HCCS: variants seen among roughly 807,000 people sequenced by gnomAD.
HCCS encodes the protein holocytochrome c-type synthase.
HCCS carries 2 observed loss-of-function variants against 24.2 expected under a neutral mutation model. The observed-to-expected ratio is 0.08, with a 90% CI of 0.03 to 0.26. The LOEUF (loss-of-function observed/expected upper bound fraction) is 0.26. HCCS is among the 10% of genes least tolerant of loss of function. HCCS has a pLI of 1.00. For missense variants in HCCS, 150 were observed against 213.3 expected (o/e 0.70, Z 1.85); for synonymous variants, 73 against 76.2 (o/e 0.96, Z 0.22).
chrX:11,121,055 C>G (rs2045488101), intron 6 of HCCS, 62 bp downstream of exon 6: 3 of 881,135 alleles, frequency 3.4e-6, no homozygotes, highest in Non-Finnish European at 5.1e-6. Context: ...TTTCTCTTCA[C>G]ACCAAAACCA....
At chrX:11,120,657 C>T (rs2045484837) in intron 5 of HCCS, among the ~76,000 whole-genome samples, 1 of 110,276 alleles carries the variant, frequency 9.1e-6, no homozygotes, top group African/African-American at 3.3e-5. Context: ...CCTGACTCCT[C>T]AAAGTGCAGT....
intron 4 of HCCS, among the ~76,000 whole-genome samples, chrX:11,117,946 G>T (rs1431221229): frequency 3.6e-5 from 4 of 111,512 alleles, no homozygotes; most frequent in African/African-American, 1.3e-4. Flanking sequence ...CCACCCACAC[G>T]GAGTGGGGAG....
chrX:11,112,192 A>G (rs2147249003), intron 2 of HCCS, 32 bp downstream of exon 2: 9 of 1,086,724 alleles, frequency 8.3e-6, no homozygotes, highest in Non-Finnish European at 1.2e-5. Flanking sequence ...AAATAAAAAC[A>G]AAAGATAATT....
chrX:11,115,028 G>A (rs776747338), intron 3 of HCCS, 42 bp downstream of exon 3: 12 of 1,131,536 alleles, frequency 1.1e-5, no homozygotes, highest in Non-Finnish European at 1.2e-5. Flanking sequence ...TTTTTATGCA[G>A]GGTTGCTTAT....
At position 11,122,157 on chromosome X, in the gene HCCS, C is replaced by G. The variant is rs1274584797; in HGVS notation, c.*347C>G. 5.1e-6 allele frequency: 1 copy of G among 197,052 alleles called. No individual in the cohort carries two copies. Among genetic ancestry groups the G allele is most frequent in the African/African-American group, 3.0e-5 (1 of 33,467 alleles). The allele number at this position is 197,052 out of a possible 1,213,427, so 16.2% of individuals were successfully genotyped here. A position where few individuals can be genotyped will look rare whatever the true frequency, so the allele number is the denominator to read the frequency against. On this transcript the variant is annotated 3_prime_UTR_variant, in exon 7 of 7. Transcript: ENST00000380762. ...TGATGAAAGTTGCTTTTTTTTCTTA[C>G]TATTTTCTCAGGAATACTCCAGAGA...
At chrX:11,118,110 A>C (rs374153130) in intron 4 of HCCS, among the ~76,000 whole-genome samples, 1 of 112,527 alleles carries the variant, frequency 8.9e-6, no homozygotes, top group African/African-American at 3.2e-5. Flanking sequence ...AGCTAGTAAT[A>C]GGTTTTTTAA....
At chrX:11,112,466 G>A (rs1231376612) in intron 2 of HCCS, among the ~76,000 whole-genome samples, 2 of 111,952 alleles carry the variant, frequency 1.8e-5, no homozygotes, top group East Asian at 5.6e-4. Flanking sequence ...GGGTGACAGA[G>A]TGAGACTGTG....
intron 4 of HCCS, 59 bp from the exon 5 acceptor site, chrX:11,118,442 A>G: frequency 9.5e-7 from 1 of 1,053,727 alleles, no homozygotes; most frequent in East Asian, 3.0e-5. Context: ...AAATATGTGG[A>G]TTAACTTTAT....
chrX:11,121,566 ATG>A, intron 6 of HCCS, 44 bp from the exon 7 acceptor site: 1 of 1,057,298 alleles, frequency 9.5e-7, no homozygotes, highest in African/African-American at 1.8e-5. Flanking sequence ...CCGGGACTGA[ATG>A]TATTGCAAGC....
chrX:11,113,458 A>G (rs1355189726), intron 2 of HCCS, among the ~76,000 whole-genome samples: 1 of 112,369 alleles, frequency 8.9e-6, no homozygotes, highest in Non-Finnish European at 1.9e-5. Flanking sequence ...CTGATGCTCC[A>G]AGTCACATAG....
At chrX:11,112,263 T>C (rs2045414628) in intron 2 of HCCS, 103 bp downstream of exon 2, 2 of 598,869 alleles carry the variant, frequency 3.3e-6, no homozygotes, top group Admixed American at 5.2e-5. Context: ...GGTGGGTGGA[T>C]TGCTTGAGCT....
In HCCS at chrX:11,121,678, G is replaced by C; in HGVS notation, c.675G>C (p.Val225=). Residue 225 remains valine, a synonymous_variant, in exon 7 of 7, where the codon GTG becomes GTC. Coordinates refer to ENST00000380762, the MANE Select transcript of HCCS (RefSeq NM_005333.5). ...GTTGCGGGACAGAAGTTAGATATGT[G>C]ATTGATTATTATGATGGTGGTGAAG... The part of the protein sequence containing the change: ...INRCGTEVRY[V]IDYYDGGEVN... 8.3e-7 allele frequency: 1 copy of C among 1,209,875 alleles called. No individual in the cohort carries two copies. Among genetic ancestry groups the C allele is most frequent in the Non-Finnish European group, 1.1e-6 (1 of 893,636 alleles).
intron 5 of HCCS, chrX:11,119,921 G>A (rs1298264204): frequency 6.2e-5 from 17 of 272,579 alleles, no homozygotes; most frequent in Non-Finnish European, 1.2e-4. Flanking sequence ...TTTCTGGACG[G>A]TCAAAATTAA....
rs1470496983 is a variant in HCCS, at chrX:11,118,501, G to A, written c.402G>A (p.Gly134=). 2 of 1,191,361 alleles carry A rather than the reference G, an allele frequency of 1.7e-6. No homozygotes were observed. Among genetic ancestry groups the A allele is most frequent in the Non-Finnish European group, 2.3e-6 (2 of 877,040 alleles). The change falls in exon 5 of 7, where the codon GGG becomes GGA. Residue 134 remains glycine (G), a splice_region_variant and synonymous_variant. Transcript: ENST00000380762. ...AATTTTACCAAATATTCTTTCCTAG[G>A]TGGAAGTGGAAGGATGAGGATATCA... The part of the protein sequence containing the change: ...QMFWNAMLKK[G]WKWKDEDISQ...
intron 4 of HCCS, 50 bp from the exon 5 acceptor site, chrX:11,118,451 A>C: frequency 9.0e-7 from 1 of 1,112,708 alleles, no homozygotes; most frequent in South Asian, 1.8e-5. Context: ...GATTAACTTT[A>C]TGGCATTATC....
intron 3 of HCCS, among the ~76,000 whole-genome samples, chrX:11,116,554 A>G (rs1003457100): frequency 5.3e-5 from 6 of 113,116 alleles, no homozygotes; most frequent in African/African-American, 1.6e-4. Context: ...AGAAAGTTCA[A>G]GGCCAGTCAT....
intron 6 of HCCS, 133 bp from the exon 7 acceptor site, chrX:11,121,479 T>C: frequency 1.8e-6 from 1 of 542,360 alleles, no homozygotes; most frequent in Non-Finnish European, 3.3e-6. Context: ...TGTGTAATTC[T>C]TCAAGTCTGA....
Position 11,114,842 on chromosome X carries a change from A to G in HCCS, c.108A>G (p.Pro36=). The G allele has an allele frequency of 8.3e-7, 1 of 1,209,197 alleles. No individual in the cohort carries two copies. Among genetic ancestry groups the G allele is most frequent in the Non-Finnish European group, 1.1e-6 (1 of 893,169 alleles). The change falls in exon 3 of 7, where the codon CCA becomes CCG. Residue 36 remains proline, a synonymous_variant. Coordinates refer to ENST00000380762, the MANE Select transcript of HCCS (RefSeq NM_005333.5). Reference sequence around the variant, plus strand: ...TATACTTGATTATTTCAGGCTGTCCAGTGAATACAGAGCCATCTGGCCCAA... The same window carrying G: ...TATACTTGATTATTTCAGGCTGTCCGGTGAATACAGAGCCATCTGGCCCAA... The part of the protein sequence containing the change: ...PMHEGKMKGC[P]VNTEPSGPTC...
At chrX:11,112,370 C>T (rs191447500) in intron 2 of HCCS, among the ~76,000 whole-genome samples, 103 of 111,356 alleles carry the variant, frequency 9.2e-4, no homozygotes, top group African/African-American at 2.6e-3. Flanking sequence ...CCCGTAGTAC[C>T]AGCGACTTTG....
Sources: allele counts gnomAD v4.1 joint callset (sites outside exome capture counted in the v4.1 genomes callset), GRCh38; gene constraint gnomAD v4.1.1; transcripts MANE v1.5; gene names NCBI Gene and HGNC (gene_info 2026-07-23, HGNC 2026-07-21).